NF1: variants seen among roughly 807,000 people sequenced by gnomAD.
NF1 encodes the protein neurofibromin.
A neutral mutation model predicts 325.7 loss-of-function variants in NF1; 122 were observed. The ratio of observed to expected loss-of-function variants is 0.37; its 90% CI spans 0.32 to 0.44. The LOEUF (loss-of-function observed/expected upper bound fraction) is 0.44, where lower values mean the gene tolerates loss of function less well. NF1 is among the 20% of genes least tolerant of loss of function. NF1 has a pLI of 1.00. For missense variants in NF1, 2,140 were observed against 3,415.4 expected (o/e 0.63, Z 9.31); for synonymous variants, 1,091 against 1,186.0 (o/e 0.92, Z 1.65).
intron 36 of NF1, among the ~76,000 whole-genome samples, chr17:31,287,271 C>G (rs1298437180): frequency 6.6e-6 from 1 of 152,090 alleles, no homozygotes; most frequent in Non-Finnish European, 1.5e-5. Context: ...TATATAGCAC[C>G]CACAAAGTGC....
intron 29 of NF1, among the ~76,000 whole-genome samples, chr17:31,238,561 T>C (rs2067241840): frequency 6.6e-6 from 1 of 152,050 alleles, no homozygotes; most frequent in Non-Finnish European, 1.5e-5. Context: ...GGTGAAACCC[T>C]GTCTTTACTA....
rs758893131 is a variant in NF1, at chr17:31,226,621, A to T, written c.2188A>T (p.Asn730Tyr). Residue 730 changes from asparagine to tyrosine, a missense_variant, in exon 18 of 58, where the codon AAC becomes TAC. Around this residue, in one of 10 missense-constraint regions of NF1, gnomAD observed 380 missense variants for 639.3 expected, o/e 0.59. Coordinates refer to ENST00000358273, the MANE Select transcript of NF1 (RefSeq NM_001042492.3). ...RCGVDEVSVH[N>Y]LLPNYNTFME... ...TGGGGTGGATGAAGTGTCAGTGCATAACCTCTTGCCCAACTATAACACATT... is the reference window on the plus strand; with the variant it reads ...TGGGGTGGATGAAGTGTCAGTGCATTACCTCTTGCCCAACTATAACACATT... The T allele has an allele frequency of 1.9e-5, 31 of 1,613,732 alleles. No homozygotes were observed. The Admixed American group carries it at 3.8e-4, about 20-fold the overall frequency.
intron 12 of NF1, among the ~76,000 whole-genome samples, chr17:31,211,254 T>A (rs1488472950): frequency 6.6e-6 from 1 of 152,238 alleles, no homozygotes; most frequent in African/African-American, 2.4e-5. Flanking sequence ...AATGAATGAA[T>A]GAATTTTTTT....
chr17:31,279,776 A>G (rs911510424), intron 36 of NF1, among the ~76,000 whole-genome samples: 30 of 152,082 alleles, frequency 2.0e-4, no homozygotes, highest in Non-Finnish European at 1.0e-4. Flanking sequence ...AAAAGAACAC[A>G]TTTCTCCATA....
Position 31,332,573 on chromosome 17 carries a change from G to GTT in NF1, c.5812+2075_5812+2076insTT, listed in dbSNP as rs566009086. 2.8e-3 allele frequency among the ~76,000 whole-genome samples: 259 copies of GTT among 91,914 alleles called. 57 individuals carry two copies. Among genetic ancestry groups the GTT allele is most frequent in the East Asian group, 5.4e-3 (21 of 3,902 alleles). 60.3% of individuals were successfully genotyped at this position (91,914 alleles called of 152,430 possible). A position where few individuals can be genotyped will look rare whatever the true frequency, so the allele number is the denominator to read the frequency against. ...GGATTAACAGTAACATACAGATCATGGTTTTTTTTTTTTTTTTATTATACT... is the reference window on the plus strand; with the variant it reads ...GGATTAACAGTAACATACAGATCATGTTGTTTTTTTTTTTTTTTTATTATACT... On this transcript the variant is annotated intron_variant, in intron 39 of 57. Transcript: ENST00000358273.
chr17:31,099,558 CTTTT>C (rs34905795), intron 1 of NF1, among the ~76,000 whole-genome samples: 7 of 123,898 alleles, frequency 5.6e-5, no homozygotes, highest in Admixed American at 8.2e-5. Context: ...AGGTGTGTAG[CTTTT>C]TTTTTTTTTT....
At chr17:31,106,353 CA>C (rs1912862067) in intron 1 of NF1, among the ~76,000 whole-genome samples, 1 of 152,042 alleles carries the variant, frequency 6.6e-6, no homozygotes. Context: ...AGCATCTGTG[CA>C]GTATTTTTTT....
intron 1 of NF1, among the ~76,000 whole-genome samples, chr17:31,147,532 A>G (rs1916662021): frequency 6.6e-6 from 1 of 152,056 alleles, no homozygotes; most frequent in Non-Finnish European, 1.5e-5. Flanking sequence ...TTTGGTGAAC[A>G]TATATACATT....
intron 34 of NF1, 99 bp from the exon 35 acceptor site, chr17:31,261,612 C>A: frequency 7.7e-7 from 1 of 1,291,336 alleles, no homozygotes; most frequent in Non-Finnish European, 1.1e-6. Context: ...TACAAATCAG[C>A]TGACAGTAAA....
At chr17:31,286,010 TA>T (rs2068220124) in intron 36 of NF1, among the ~76,000 whole-genome samples, 1 of 152,238 alleles carries the variant, frequency 6.6e-6, no homozygotes, top group East Asian at 1.9e-4. Flanking sequence ...AAAATCAGTT[TA>T]TAGTCAACTC....
intron 36 of NF1, among the ~76,000 whole-genome samples, chr17:31,265,951 T>C (rs2067780254): frequency 6.6e-6 from 1 of 152,162 alleles, no homozygotes; most frequent in Admixed American, 6.5e-5. Flanking sequence ...CCTACCATTG[T>C]CTTTTCTTTT....
intron 25 of NF1, among the ~76,000 whole-genome samples, chr17:31,232,454 A>G (rs2067129192): frequency 6.6e-6 from 1 of 152,192 alleles, no homozygotes; most frequent in Non-Finnish European, 1.5e-5. Context: ...TGACACATTT[A>G]CCAGGTAATA....
chr17:31,189,914 A>G (rs991645856), intron 8 of NF1, among the ~76,000 whole-genome samples: 1 of 151,570 alleles, frequency 6.6e-6, no homozygotes, highest in African/African-American at 2.4e-5. Flanking sequence ...GGCATGCGCC[A>G]CCACGCCCGG....
Position 31,343,172 on chromosome 17 carries a change from C to G in NF1, c.7189+37C>G, listed in dbSNP as rs7405740. On this transcript the variant is annotated intron_variant, in intron 48 of 57. Transcript: ENST00000358273. ...TTATTTAGAATATTTTTATGAAGTACTATTAAGAAACCAGAAGTAATTTGA... is the reference window on the plus strand; with the variant it reads ...TTATTTAGAATATTTTTATGAAGTAGTATTAAGAAACCAGAAGTAATTTGA... 1,409,851 of 1,544,818 alleles carry G rather than the reference C, an allele frequency of 0.91. 644,322 individuals carry two copies. Among genetic ancestry groups the G allele is most frequent in the South Asian group, 0.95 (84,914 of 89,446 alleles).
intron 36 of NF1, among the ~76,000 whole-genome samples, chr17:31,324,066 G>T (rs1282969897): frequency 7.3e-5 from 11 of 151,720 alleles, no homozygotes; most frequent in Admixed American, 6.6e-4. Context: ...TGATTTTTTT[G>T]GTTTTTTTTG....
intron 15 of NF1, among the ~76,000 whole-genome samples, chr17:31,223,094 AC>A (rs1174715319): frequency 5.3e-5 from 8 of 151,966 alleles, no homozygotes; most frequent in African/African-American, 1.9e-4. Context: ...TAGCTTGCAG[AC>A]CCCCACTGTG....
Position 31,367,363 on chromosome 17 carries a change from C to T in NF1, c.8378-6650C>T, listed in dbSNP as rs79172216. ...GCACATAGCATGAGACTTTACTCAC[C>T]GGTCCCTGTAAGCTCAGTCTGCCTT... On this transcript the variant is annotated intron_variant, in intron 57 of 57. Transcript: ENST00000358273. The T allele has an allele frequency of 4.2e-3, 3,764 of 903,190 alleles. 176 individuals are homozygous for T. The Admixed American group carries it at 0.079, about 19-fold the overall frequency. The allele number at this position is 903,190 out of a possible 1,614,324, so 55.9% of individuals were successfully genotyped here. A position where few individuals can be genotyped will look rare whatever the true frequency, so the allele number is the denominator to read the frequency against.
At chr17:31,099,556 AG>A (rs1440635146) in intron 1 of NF1, among the ~76,000 whole-genome samples, 11 of 133,498 alleles carry the variant, frequency 8.2e-5, no homozygotes, top group Non-Finnish European at 1.6e-4. Context: ...GTAGGTGTGT[AG>A]CTTTTTTTTT....
At chr17:31,248,906 A>G in intron 29 of NF1, 78 bp from the exon 30 acceptor site, 2 of 1,424,524 alleles carry the variant, frequency 1.4e-6, no homozygotes, top group Admixed American at 1.8e-5. Flanking sequence ...ATGTCTGTAT[A>G]AGAGTCTCTT....
Sources: allele counts gnomAD v4.1 joint callset (sites outside exome capture counted in the v4.1 genomes callset), GRCh38; gene constraint gnomAD v4.1.1; regional missense constraint gnomAD v4.1.1; transcripts MANE v1.5; gene names NCBI Gene and HGNC (gene_info 2026-07-23, HGNC 2026-07-21).